The following SYN3 variants were observed in gnomAD, a reference collection of about 807,000 sequenced individuals.
SYN3 encodes synapsin-3.
A neutral mutation model predicts 65.8 loss-of-function variants in SYN3; 35 were observed. The observed-to-expected ratio is 0.53, with a 90% CI of 0.41 to 0.70. SYN3 has a LOEUF of 0.70. Ranked by LOEUF, SYN3 falls within the 30% of genes least tolerant of loss-of-function variation. The pLI is 0.00. For missense variants in SYN3, 680 were observed against 749.0 expected (o/e 0.91, Z 1.08); for synonymous variants, 270 against 292.9 (o/e 0.92, Z 0.80).
At chr22:32,674,428 C>T (rs2060413068) in intron 6 of SYN3, among the ~76,000 whole-genome samples, 2 of 152,180 alleles carry the variant, frequency 1.3e-5, no homozygotes, top group South Asian at 4.1e-4. Context: ...AGGGGCTTTG[C>T]TTCTGTTGCT....
chr22:32,780,697 C>T (rs2046019458), intron 6 of SYN3, among the ~76,000 whole-genome samples: 1 of 152,146 alleles, frequency 6.6e-6, no homozygotes, highest in Non-Finnish European at 1.5e-5. Context: ...CCCTGACTTA[C>T]CAGCTGCATG....
At chr22:32,818,187 A>G (rs915812722) in intron 6 of SYN3, among the ~76,000 whole-genome samples, 2 of 152,184 alleles carry the variant, frequency 1.3e-5, no homozygotes, top group Non-Finnish European at 2.9e-5. Flanking sequence ...GGCTGCTCAG[A>G]GCGTTTTGGT....
At chr22:32,518,593 T>G (rs1014528895) in intron 12 of SYN3, 7 of 616,980 alleles carry the variant, frequency 1.1e-5, no homozygotes, top group African/African-American at 1.1e-4. Flanking sequence ...TGATAACATA[T>G]GCTAAATATT....
intron 6 of SYN3, among the ~76,000 whole-genome samples, chr22:32,678,031 C>A (rs1267909466): frequency 1.3e-5 from 2 of 152,064 alleles, no homozygotes; most frequent in African/African-American, 4.8e-5. Context: ...GAAGGTGAGG[C>A]CTCAGAGGGA....
chr22:32,977,645 G>T (rs761422489), intron 3 of SYN3, among the ~76,000 whole-genome samples: 10 of 151,570 alleles, frequency 6.6e-5, no homozygotes, highest in South Asian at 2.1e-4. Flanking sequence ...TTGGGAGGCT[G>T]AGGCAGGAGA....
At position 32,587,346 on chromosome 22, in the gene SYN3, C is replaced by G. The variant is rs112861632; in HGVS notation, c.774+9328G>C. 7.5e-3 allele frequency among the ~76,000 whole-genome samples: 1,116 copies of G among 149,368 alleles called. 22 individuals are homozygous for G. Among genetic ancestry groups the G allele is most frequent in the African/African-American group, 0.026 (1,060 of 40,268 alleles). Reference sequence around the variant, plus strand: ...AGGGAGGTGGGATTGAGAGGGAGGGCAGTGGGTGTTGGGGGGGAGGGTCCC... The same window carrying G: ...AGGGAGGTGGGATTGAGAGGGAGGGGAGTGGGTGTTGGGGGGGAGGGTCCC... On this transcript the variant is annotated intron_variant, in intron 7 of 13. Transcript: ENST00000358763.
intron 6 of SYN3, among the ~76,000 whole-genome samples, chr22:32,612,492 G>A (rs1392902456): frequency 6.6e-6 from 1 of 152,186 alleles, no homozygotes; most frequent in African/African-American, 2.4e-5. Flanking sequence ...TTTAGTGTCA[G>A]AAGTGTTGCG....
intron 6 of SYN3, among the ~76,000 whole-genome samples, chr22:32,611,068 G>A (rs1323228094): frequency 1.3e-5 from 2 of 152,192 alleles, no homozygotes; most frequent in Non-Finnish European, 2.9e-5. Context: ...TCAAGAATAT[G>A]GGTAATACTT....
At chr22:32,528,746 C>A in intron 11 of SYN3, 128 bp downstream of exon 11, 3 of 1,348,442 alleles carry the variant, frequency 2.2e-6, no homozygotes, top group Non-Finnish European at 1.0e-6. Context: ...TTCGTCCACA[C>A]CCCCATTCCT....
chr22:32,681,525 G>A (rs950599527), intron 6 of SYN3, among the ~76,000 whole-genome samples: 6 of 152,184 alleles, frequency 3.9e-5, no homozygotes, highest in Non-Finnish European at 8.8e-5. Flanking sequence ...AGAAAACCAC[G>A]ACTCAGAGAG....
intron 7 of SYN3, among the ~76,000 whole-genome samples, chr22:32,548,843 G>T (rs1051146289): frequency 6.6e-6 from 1 of 152,150 alleles, no homozygotes; most frequent in African/African-American, 2.4e-5. Context: ...TGCACGCAAG[G>T]CTGTTTATTG....
chr22:33,035,692 C>T (rs1487367099), intron 1 of SYN3, among the ~76,000 whole-genome samples: 1 of 152,342 alleles, frequency 6.6e-6, no homozygotes, highest in Middle Eastern at 3.4e-3. Context: ...GATCCTCCCA[C>T]ATCAGCATCC....
At chr22:32,618,169 C>T (rs1341826088) in intron 6 of SYN3, among the ~76,000 whole-genome samples, 29 of 152,074 alleles carry the variant, frequency 1.9e-4, no homozygotes, top group Non-Finnish European at 1.0e-4. Flanking sequence ...GATGATCGAA[C>T]GGACAGATCC....
chr22:32,935,842 A>G (rs1337253025), intron 3 of SYN3, among the ~76,000 whole-genome samples: 2 of 152,236 alleles, frequency 1.3e-5, no homozygotes, highest in East Asian at 3.8e-4. Flanking sequence ...AAGCTGTTCA[A>G]TATACTAGCT....
rs546569507 is a variant in SYN3, at chr22:32,980,655, C to A, written c.359G>T (p.Arg120Leu). 5.0e-6 allele frequency: 8 copies of A among 1,614,018 alleles called. No homozygotes were observed. The highest frequency in any genetic ancestry group is 6.8e-6 in the Non-Finnish European group (8 of 1,179,928). ...ACAGCTCCCACCTACCTGCTCCACT[C>A]GGATCTCAATCTCTCCATTCACCTT... ...GKKVNGEIEI[R>L]VEQAEFSELN... Residue 120 changes from arginine (R) to leucine (L), a missense_variant, in exon 3 of 14, where the codon CGA becomes CTA. Physicochemically the swap from Arg to Leu is moderately radical, Grantham distance 102. Coordinates refer to ENST00000358763, the MANE Select transcript of SYN3 (RefSeq NM_003490.4).
At chr22:32,931,305 C>T (rs1022416683) in intron 4 of SYN3, 85 bp downstream of exon 4, 12 of 883,552 alleles carry the variant, frequency 1.4e-5, no homozygotes, top group Middle Eastern at 4.8e-4. Context: ...GGAGTTAGGT[C>T]GCAGGAAGTG....
intron 3 of SYN3, among the ~76,000 whole-genome samples, chr22:32,952,031 G>C (rs574931382): frequency 6.6e-6 from 1 of 152,104 alleles, no homozygotes; most frequent in Non-Finnish European, 1.5e-5. Flanking sequence ...TGCTGGTCCT[G>C]GGGGGGATCA....
intron 6 of SYN3, among the ~76,000 whole-genome samples, chr22:32,856,418 G>T (rs2048367870): frequency 6.6e-6 from 1 of 152,040 alleles, no homozygotes; most frequent in Non-Finnish European, 1.5e-5. Flanking sequence ...GCCCTGGGGT[G>T]GGTAGATCAG....
chr22:32,898,300 T>C (rs1221837934), intron 4 of SYN3, among the ~76,000 whole-genome samples: 4 of 152,256 alleles, frequency 2.6e-5, no homozygotes, highest in African/African-American at 7.2e-5. Flanking sequence ...GCCCCAGCTA[T>C]TGTTTTTATT....
Sources: allele counts gnomAD v4.1 joint callset (sites outside exome capture counted in the v4.1 genomes callset), GRCh38; gene constraint gnomAD v4.1.1; transcripts MANE v1.5; gene names NCBI Gene and HGNC (gene_info 2026-07-23, HGNC 2026-07-21).